The following POLR1G variants were observed in gnomAD, a reference collection of about 807,000 sequenced individuals.
POLR1G encodes DNA-directed RNA polymerase I subunit RPA34.
Under a neutral mutation model 6.3 loss-of-function variants are expected in POLR1G, and 9 were observed. The ratio of observed to expected loss-of-function variants is 1.44; its 90% CI spans 0.87 to 2.51. POLR1G has a LOEUF of 2.51. POLR1G is among the 30% of genes most tolerant of loss of function. POLR1G has a pLI of 0.00. For synonymous variants in POLR1G, 248 were observed against 256.5 expected, an observed-to-expected ratio of 0.97 and a Z score of 0.32; for missense variants, 617 against 632.5, an observed-to-expected ratio of 0.98 and a Z score of 0.26.
At position 45,409,246 on chromosome 19, in the gene POLR1G, GAA is replaced by G. The variant is rs1364245324; in HGVS notation, c.1279_1280del (p.Lys427GlufsTer9). On this transcript the variant is annotated frameshift_variant, in exon 3 of 3. Transcript: ENST00000309424. LOFTEE classifies it low-confidence loss of function (END_TRUNC). ...CCACATCCACCAAGAAGAAGAAGAA[GAA>G]GAAAGAGAGAGGTCACACAGTGACT... Reference protein sequence around the residue: ...APTSTKKKKKKKERGHTVTEP... With the variant: ...APTSTKKKKKXKERGHTVTEP... 16 of 1,613,616 alleles carry G rather than the reference GAA, an allele frequency of 9.9e-6. No individual in the cohort carries two copies. Among genetic ancestry groups the G allele is most frequent in the Admixed American group, 1.7e-5 (1 of 59,954 alleles).
In POLR1G at chr19:45,408,547, G is replaced by A. The variant is rs778956589; in HGVS notation, c.579G>A (p.Gly193=). 11 of 1,614,020 alleles carry A rather than the reference G, an allele frequency of 6.8e-6. No individual in the cohort carries two copies. In the Admixed American group the frequency reaches 1.2e-4, roughly 17 times the overall value. The change falls in exon 3 of 3, where the codon GGG becomes GGA. Residue 193 remains glycine (G), a synonymous_variant. Transcript: ENST00000309424. ...CAGTCACTCAGGAGGCAGTGAATGG[G>A]CACGGGGCCCTGGAGGTGGACATGG... ...EAPVTQEAVN[G]HGALEVDMAL...
Position 45,407,484 on chromosome 19 carries a change from A to G in POLR1G, c.164+249A>G, listed in dbSNP as rs1356235211. On this transcript the variant is annotated intron_variant, in intron 2 of 2. Transcript: ENST00000309424. ...TAGTTAAACTTGGAGTGTGCAGATA[A>G]GCTCACTAAAGGTAGGGGCTATTGG... 1.1e-5 allele frequency: 5 copies of G among 468,460 alleles called. No homozygotes were observed. In the Admixed American group the frequency reaches 1.7e-4, roughly 16 times the overall value. 29.0% of individuals were successfully genotyped at this position (468,460 alleles called of 1,614,324 possible).
Position 45,408,265 on chromosome 19 carries a change from G to C in POLR1G, c.297G>C (p.Thr99=). Reference sequence around the variant, plus strand: ...AAGCGACCCTGCTGGCCCCCTCAACGGAGGCAGGAGGTGGACTCACCTGTG... The same window carrying C: ...AAGCGACCCTGCTGGCCCCCTCAACCGAGGCAGGAGGTGGACTCACCTGTG... ...AGEATLLAPS[T]EAGGGLTCAS... is the part of the protein sequence containing the mutation. The change falls in exon 3 of 3, where the codon ACG becomes ACC. Residue 99 remains threonine, a synonymous_variant. Coordinates refer to ENST00000309424, the MANE Select transcript of POLR1G (RefSeq NM_012099.3). 6.2e-7 allele frequency: 1 copy of C among 1,614,078 alleles called. No homozygotes were observed. The highest frequency in any genetic ancestry group is 8.5e-7 in the Non-Finnish European group (1 of 1,180,000).
intron 2 of POLR1G, 127 bp from the exon 3 acceptor site, chr19:45,408,006 A>G: frequency 1.6e-6 from 2 of 1,258,616 alleles, no homozygotes; most frequent in Non-Finnish European, 2.2e-6. Flanking sequence ...GTGAGCCGAG[A>G]TCATGCCACT....
Position 45,406,796 on chromosome 19 carries a change from A to G in POLR1G, c.22+78A>G. The G allele has an allele frequency of 7.4e-7, 1 of 1,352,736 alleles. No homozygotes were observed. Among genetic ancestry groups the G allele is most frequent in the Non-Finnish European group, 9.9e-7 (1 of 1,009,872 alleles). The allele number at this position is 1,352,736 out of a possible 1,614,324, so 83.8% of individuals were successfully genotyped here. ...GGGCGTCCGAGAGGGTTCGGGCGGA[A>G]AAGGAGGCGTACCTGCAAGCAGGAC... On this transcript the variant is annotated intron_variant, in intron 1 of 2. Coordinates refer to ENST00000309424, the MANE Select transcript of POLR1G (RefSeq NM_012099.3). This position sits in a 1 kb window ranked among gnomAD's most constrained non-coding sequence, Gnocchi z 4.2.
At chr19:45,407,485 G>A in intron 2 of POLR1G, 3 of 465,868 alleles carry the variant, frequency 6.4e-6, no homozygotes, top group Non-Finnish European at 1.1e-5. Context: ...GTGCAGATAA[G>A]CTCACTAAAG....
rs1314225801 is a variant in POLR1G, at chr19:45,408,395, C to G, written c.427C>G (p.Pro143Ala). Residue 143 changes from proline to alanine, a missense_variant, in exon 3 of 3, where the codon CCT (proline) becomes GCT (alanine). By Grantham distance (27) the Pro-to-Ala change is conservative. Transcript: ENST00000309424. ...IPASPPPQIPPGLRPRFCAFG... is the reference protein window; with the variant it reads ...IPASPPPQIPAGLRPRFCAFG... ...AGCAAGTCCCCCACCACAGATCCCT[C>G]CTGGCCTGAGGCCTCGGTTCTGTGC... The G allele has an allele frequency of 6.2e-7, 1 of 1,613,100 alleles. No individual in the cohort carries two copies. The highest frequency in any genetic ancestry group is 8.5e-7 in the Non-Finnish European group (1 of 1,179,592).
Position 45,409,892 on chromosome 19 carries a change from A to ATTTTTTTT in POLR1G, c.*393_*394insTTTTTTTT, listed in dbSNP as rs200386912. 10,347 of 202,152 alleles carry ATTTTTTTT rather than the reference A, an allele frequency of 0.051. 496 individuals are homozygous for ATTTTTTTT. Among genetic ancestry groups the ATTTTTTTT allele is most frequent in the South Asian group, 0.073 (354 of 4,858 alleles). 12.5% of individuals were successfully genotyped at this position (202,152 alleles called of 1,614,324 possible). A position where few individuals can be genotyped will look rare whatever the true frequency, so the allele number is the denominator to read the frequency against. Reference sequence around the variant, plus strand: ...ATCTTTTTAAGTTATTATTATTATTATTATTTTTTTTTTTTTTGAGATGGA... The same window carrying ATTTTTTTT: ...ATCTTTTTAAGTTATTATTATTATTATTTTTTTTTTATTTTTTTTTTTTTTGAGATGGA... On this transcript the variant is annotated 3_prime_UTR_variant, in exon 3 of 3. Coordinates refer to ENST00000309424, the MANE Select transcript of POLR1G (RefSeq NM_012099.3).
chr19:45,406,915 C>A lies in POLR1G; in HGVS notation c.23-179C>A. 1 of 1,006,214 alleles carries A rather than the reference C, an allele frequency of 9.9e-7. No homozygotes were observed. The highest frequency in any genetic ancestry group is 2.8e-5 in the East Asian group (1 of 35,602). 62.3% of individuals were successfully genotyped at this position (1,006,214 alleles called of 1,614,324 possible). A position where few individuals can be genotyped will look rare whatever the true frequency, so the allele number is the denominator to read the frequency against. ...GCTACCCGTGGAGAGCAAGGCGCCC[C>A]CAGGGGTTGGATCGGTGAAATTGAG... On this transcript the variant is annotated intron_variant, in intron 1 of 2. Coordinates refer to ENST00000309424, the MANE Select transcript of POLR1G (RefSeq NM_012099.3). This position sits in a 1 kb window ranked among gnomAD's most constrained non-coding sequence, Gnocchi z 4.2.
chr19:45,408,703 G>C lies in POLR1G; in HGVS notation c.735G>C (p.Leu245=). The part of the protein sequence containing the change: ...TVETLEPLGV[L]FPSTTKKRKK... Reference sequence around the variant, plus strand: ...AGACACTGGAGCCTCTGGGAGTGCTGTTCCCGTCCACCACCAAGAAGAGGA... The same window carrying C: ...AGACACTGGAGCCTCTGGGAGTGCTCTTCCCGTCCACCACCAAGAAGAGGA... Residue 245 remains leucine (L), a synonymous_variant, in exon 3 of 3, where the codon CTG becomes CTC. Transcript: ENST00000309424. 1.2e-6 allele frequency: 2 copies of C among 1,613,812 alleles called. No individual in the cohort carries two copies. The highest frequency in any genetic ancestry group is 1.7e-6 in the Non-Finnish European group (2 of 1,179,970).
chr19:45,407,109 C>T lies in POLR1G; in HGVS notation c.38C>T (p.Ser13Phe), dbSNP rs756102625. 9 of 1,599,288 alleles carry T rather than the reference C, an allele frequency of 5.6e-6. No individual in the cohort carries two copies. The East Asian group carries it at 2.0e-4, about 36-fold the overall frequency. ...EPQAGDAARF[S>F]CPPNFTAKPP... ...TCTGCTGCAGATGCTGCTCGGTTCTCTTGTCCCCCCAACTTTACCGCGAAG... is the reference window on the plus strand; with the variant it reads ...TCTGCTGCAGATGCTGCTCGGTTCTTTTGTCCCCCCAACTTTACCGCGAAG... The change falls in exon 2 of 3, where the codon TCT (serine) becomes TTT (phenylalanine). Residue 13 changes from serine (S) to phenylalanine (F), a missense_variant. Physicochemically the swap from Ser to Phe is radical, Grantham distance 155 (BLOSUM62 -2). Transcript: ENST00000309424.
Position 45,408,527 on chromosome 19 carries a change from A to T in POLR1G, c.559A>T (p.Thr187Ser). 1 of 1,613,996 alleles carries T rather than the reference A, an allele frequency of 6.2e-7. No homozygotes were observed. The highest frequency in any genetic ancestry group is 8.5e-7 in the Non-Finnish European group (1 of 1,179,994). Reference sequence around the variant, plus strand: ...GATGCAGGTGACAGAGGCCCCAGTCACTCAGGAGGCAGTGAATGGGCACGG... The same window carrying T: ...GATGCAGGTGACAGAGGCCCCAGTCTCTCAGGAGGCAGTGAATGGGCACGG... ...KEMQVTEAPV[T>S]QEAVNGHGAL... The change falls in exon 3 of 3, where the codon ACT becomes TCT. Residue 187 changes from threonine to serine, a missense_variant. By Grantham distance (58) the Thr-to-Ser change is moderately conservative. Transcript: ENST00000309424.
At chr19:45,407,332 A>G (rs1239538586) in intron 2 of POLR1G, 97 bp downstream of exon 2, 38 of 1,192,224 alleles carry the variant, frequency 3.2e-5, no homozygotes, top group Non-Finnish European at 1.9e-5. Flanking sequence ...TGAGTCACAG[A>G]GCACAGTGAA....
At chr19:45,407,367 T>G in intron 2 of POLR1G, 132 bp downstream of exon 2, 1 of 809,808 alleles carries the variant, frequency 1.2e-6, no homozygotes. Flanking sequence ...TGGAAACTAC[T>G]CCTTTACAGA....
rs1973405394 is a variant in POLR1G, at chr19:45,407,278, C to T, written c.164+43C>T. On this transcript the variant is annotated intron_variant, in intron 2 of 2. Transcript: ENST00000309424. ...CGGAAAAGAGGGTCCCGGTCCAGAC[C>T]CCAAGAGCGGGTTCTTGAATTTGTC... 4 of 1,565,264 alleles carry T rather than the reference C, an allele frequency of 2.6e-6. No individual in the cohort carries two copies. The East Asian group carries it at 9.1e-5, about 36-fold the overall frequency.
rs773205526 is a variant in POLR1G, at chr19:45,409,233, A to C, written c.1265A>C (p.Lys422Thr). 5 of 715,038 alleles carry C rather than the reference A, an allele frequency of 7.0e-6. No individual in the cohort carries two copies. The highest frequency in any genetic ancestry group is 9.9e-6 in the Non-Finnish European group (5 of 506,374). 44.3% of individuals were successfully genotyped at this position (715,038 alleles called of 1,614,324 possible). The change falls in exon 3 of 3, where the codon AAG becomes ACG. Residue 422 changes from lysine (K) to threonine (T), a missense_variant. Physicochemically the swap from Lys to Thr is moderately conservative, Grantham distance 78. Coordinates refer to ENST00000309424, the MANE Select transcript of POLR1G (RefSeq NM_012099.3). ...LEPQAAPTST[K>T]KKKKKKERGH... ...CCTCAGGCAGCTCCCACATCCACCA[A>C]GAAGAAGAAGAAGAAGAAAGAGAGA...
intron 1 of POLR1G, 48 bp from the exon 2 acceptor site, chr19:45,407,046 G>A: frequency 6.4e-7 from 1 of 1,559,460 alleles, no homozygotes. Context: ...CTGCAAGATT[G>A]GACCGGCAAG....
At chr19:45,407,546 G>A (rs1461991103) in intron 2 of POLR1G, 2 of 335,884 alleles carry the variant, frequency 6.0e-6, no homozygotes, top group East Asian at 1.1e-4. Flanking sequence ...ACCTAAGCTT[G>A]CTCATTTATG....
chr19:45,406,714 C>T lies in POLR1G; in HGVS notation c.18C>T (p.Ala6=), dbSNP rs1259442667. The change falls in exon 1 of 3, where the codon GCC becomes GCT. Residue 6 remains alanine, a synonymous_variant. Transcript: ENST00000309424. The surrounding 1 kb of genome is among the most constrained non-coding windows in gnomAD (Gnocchi z 4.2). ...GTCCCAGGATGGAGGAGCCCCAGGCCGGCGGTGAGGGTGCGGGTTGACGGG... is the reference window on the plus strand; with the variant it reads ...GTCCCAGGATGGAGGAGCCCCAGGCTGGCGGTGAGGGTGCGGGTTGACGGG... MEEPQ[A]GDAARFSCPP... is the part of the protein sequence containing the mutation. The T allele has an allele frequency of 1.3e-6, 2 of 1,531,778 alleles. No individual in the cohort carries two copies. The highest frequency in any genetic ancestry group is 1.8e-6 in the Non-Finnish European group (2 of 1,141,282). The allele number at this position is 1,531,778 out of a possible 1,614,324, so 94.9% of individuals were successfully genotyped here.
Sources: allele counts gnomAD v4.1 joint callset, GRCh38; gene constraint gnomAD v4.1.1; non-coding constraint Gnocchi (gnomAD v3.1); transcripts MANE v1.5; gene names NCBI Gene and HGNC (gene_info 2026-07-23, HGNC 2026-07-21).